Variants in TMEM70 observed in about 807,000 individuals in gnomAD.
TMEM70 encodes the protein transmembrane protein 70, also known as transmembrane protein 70, mitochondrial.
TMEM70 carries 15 observed loss-of-function variants against 20.5 expected under a neutral mutation model. The ratio of observed to expected loss-of-function variants is 0.73; its 90% confidence interval spans 0.49 to 1.13. The LOEUF (loss-of-function observed/expected upper bound fraction) is 1.13. Ranked by LOEUF, TMEM70 falls within the 50% of genes most tolerant of loss-of-function variation. The pLI is 0.00. For synonymous variants in TMEM70, 141 were observed against 134.2 expected (o/e 1.05, Z -0.35); for missense variants, 344 against 331.7 (o/e 1.04, Z -0.29).
At chr8:73,978,951 A>G (rs999747841) in intron 2 of TMEM70, 90 bp downstream of exon 2, 2 of 1,485,326 alleles carry the variant, frequency 1.3e-6, no homozygotes, top group Non-Finnish European at 1.9e-6. Context: ...TTGTTATGGC[A>G]TCCCTTAATT....
At position 73,976,375 on chromosome 8, in the gene TMEM70, C is replaced by CCCCGGGCCTCTGTCT. The variant is rs1168447827; in HGVS notation, c.102_116dup (p.Val36_Ser40dup). 9 of 1,596,724 alleles carry CCCCGGGCCTCTGTCT rather than the reference C, an allele frequency of 5.6e-6. No individual in the cohort carries two copies. Among genetic ancestry groups the CCCCGGGCCTCTGTCT allele is most frequent in the South Asian group, 1.1e-5 (1 of 90,332 alleles). On this transcript the variant is annotated inframe_insertion, in exon 1 of 3. Coordinates refer to ENST00000312184, the MANE Select transcript of TMEM70 (RefSeq NM_017866.6). ...GTGTGCGGCCGCCGCGCTCCGAGGTCCCCGGGCCTCTGTCTCCCGGGCGTC... is the reference window on the plus strand; with the variant it reads ...GTGTGCGGCCGCCGCGCTCCGAGGTCCCCGGGCCTCTGTCTCCCGGGCCTCTGTCTCCCGGGCGTC...
At chr8:73,978,136 G>C (rs899712415) in intron 1 of TMEM70, among the ~76,000 whole-genome samples, 3 of 151,952 alleles carry the variant, frequency 2.0e-5, no homozygotes, top group Non-Finnish European at 4.4e-5. Flanking sequence ...GCCCAGGTTG[G>C]AGTACAGTGG....
Position 73,982,159 on chromosome 8 carries a change from A to T in TMEM70, c.*538A>T, listed in dbSNP as rs778356518. ...AAACATACCAGAAAAACACCCGTGG[A>T]GTCAGAGGTGGCAATTCACCGAATT... On this transcript the variant is annotated 3_prime_UTR_variant, in exon 3 of 3. Coordinates refer to ENST00000312184, the MANE Select transcript of TMEM70 (RefSeq NM_017866.6). 3.7e-6 allele frequency: 2 copies of T among 536,094 alleles called. No individual in the cohort carries two copies. Among genetic ancestry groups the T allele is most frequent in the East Asian group, 1.0e-4 (2 of 19,910 alleles). The allele number at this position is 536,094 out of a possible 1,614,324, so 33.2% of individuals were successfully genotyped here. A position where few individuals can be genotyped will look rare whatever the true frequency, so the allele number is the denominator to read the frequency against.
chr8:73,979,644 T>C (rs1350938105), intron 2 of TMEM70, among the ~76,000 whole-genome samples: 1 of 152,198 alleles, frequency 6.6e-6, no homozygotes, highest in Non-Finnish European at 1.5e-5. Context: ...AGGGTCTCTG[T>C]CATCTAGGCT....
At chr8:73,979,840 G>T (rs567132883) in intron 2 of TMEM70, among the ~76,000 whole-genome samples, 1 of 151,974 alleles carries the variant, frequency 6.6e-6, no homozygotes, top group Non-Finnish European at 1.5e-5. Flanking sequence ...AGTGATGCCA[G>T]TGTTAAGTTC....
chr8:73,980,223 G>C (rs1490484718), intron 2 of TMEM70, among the ~76,000 whole-genome samples: 1 of 152,094 alleles, frequency 6.6e-6, no homozygotes, highest in African/African-American at 2.4e-5. Context: ...CCAGTAGCTG[G>C]GATTATAGGT....
chr8:73,977,972 A>G (rs1267779386), intron 1 of TMEM70, among the ~76,000 whole-genome samples: 2 of 152,254 alleles, frequency 1.3e-5, no homozygotes, highest in Non-Finnish European at 2.9e-5. Context: ...GCAGTTTTCT[A>G]CTTGTGACTA....
chr8:73,978,208 TC>T (rs1815700148), intron 1 of TMEM70, among the ~76,000 whole-genome samples: 1 of 151,852 alleles, frequency 6.6e-6, no homozygotes, highest in Admixed American at 6.6e-5. Context: ...TGCCTCAGCC[TC>T]CGGAGTAGCT....
At chr8:73,976,576 C>T (rs1439685568) in intron 1 of TMEM70, 85 bp downstream of exon 1, 2 of 1,309,694 alleles carry the variant, frequency 1.5e-6, no homozygotes, top group Non-Finnish European at 2.0e-6. Context: ...CGGCTCTTCG[C>T]GACCTCTCCC....
At chr8:73,978,246 C>T (rs1241825010) in intron 1 of TMEM70, among the ~76,000 whole-genome samples, 4 of 151,666 alleles carry the variant, frequency 2.6e-5, no homozygotes, top group Non-Finnish European at 5.9e-5. Flanking sequence ...ACACCATGCC[C>T]GGCTAATTGT....
Position 73,982,380 on chromosome 8 carries a change from T to A in TMEM70, c.*759T>A, listed in dbSNP as rs1488363313. ...TTCCAGATGAGAATCCACAAGCGAC[T>A]CATTGACTTGCGCAGTCCTCAGATA... On this transcript the variant is annotated 3_prime_UTR_variant, in exon 3 of 3. Coordinates refer to ENST00000312184, the MANE Select transcript of TMEM70 (RefSeq NM_017866.6). The A allele has an allele frequency of 1.4e-6, 1 of 738,898 alleles. No individual in the cohort carries two copies. The allele number at this position is 738,898 out of a possible 1,614,324, so 45.8% of individuals were successfully genotyped here. A position where few individuals can be genotyped will look rare whatever the true frequency, so the allele number is the denominator to read the frequency against.
chr8:73,981,702 T>C lies in TMEM70; in HGVS notation c.*81T>C, dbSNP rs1461553785. 2.2e-6 allele frequency: 2 copies of C among 903,614 alleles called. No homozygotes were observed. Among genetic ancestry groups the C allele is most frequent in the East Asian group, 5.1e-5 (2 of 39,066 alleles). 56.0% of individuals were successfully genotyped at this position (903,614 alleles called of 1,614,324 possible). On this transcript the variant is annotated 3_prime_UTR_variant, in exon 3 of 3. Coordinates refer to ENST00000312184, the MANE Select transcript of TMEM70 (RefSeq NM_017866.6). Reference sequence around the variant, plus strand: ...AAAATTGCCTTTTGCATTCCGTTAGTGACTGATTGTTAAAAATAATTTGAA... The same window carrying C: ...AAAATTGCCTTTTGCATTCCGTTAGCGACTGATTGTTAAAAATAATTTGAA...
At chr8:73,978,279 G>A (rs1406098898) in intron 1 of TMEM70, among the ~76,000 whole-genome samples, 7 of 151,542 alleles carry the variant, frequency 4.6e-5, no homozygotes, top group African/African-American at 1.5e-4. Flanking sequence ...TAGAGACGGG[G>A]TTTCACCATG....
In TMEM70 at chr8:73,982,514, A is replaced by T. The variant is rs755076889; in HGVS notation, c.*893A>T. 8.2e-6 allele frequency: 5 copies of T among 607,088 alleles called. No individual in the cohort carries two copies. The highest frequency in any genetic ancestry group is 5.7e-5 in the Admixed American group (3 of 52,506). The allele number at this position is 607,088 out of a possible 1,614,324, so 37.6% of individuals were successfully genotyped here. A position where few individuals can be genotyped will look rare whatever the true frequency, so the allele number is the denominator to read the frequency against. On this transcript the variant is annotated 3_prime_UTR_variant, in exon 3 of 3. Coordinates refer to ENST00000312184, the MANE Select transcript of TMEM70 (RefSeq NM_017866.6). ...TAAATTGATTACCAGTTGTTAAAAA[A>T]TTTTCAAAAAACCGCAAAATTTCAA... is the stretch of plus-strand genomic sequence containing the variant.
chr8:73,982,502 A>G lies in TMEM70; in HGVS notation c.*881A>G, dbSNP rs758619378. 1.6e-6 allele frequency: 1 copy of G among 644,542 alleles called. No homozygotes were observed. The highest frequency in any genetic ancestry group is 4.6e-4 in the Middle Eastern group (1 of 2,170). 39.9% of individuals were successfully genotyped at this position (644,542 alleles called of 1,614,324 possible). On this transcript the variant is annotated 3_prime_UTR_variant, in exon 3 of 3. Coordinates refer to ENST00000312184, the MANE Select transcript of TMEM70 (RefSeq NM_017866.6). ...CAACTGTTTTCATAAATTGATTACC[A>G]GTTGTTAAAAAATTTTCAAAAAACC...
rs773814684 is a variant in TMEM70 at position 73,978,705 on chromosome 8, T to C, written c.211-51T>C. Reference sequence around the variant, plus strand: ...AAGACTCTGTCTCAAAAAAAAAAACTTAAAAAAATTTAAGAAGGTTAGTTG... The same window carrying C: ...AAGACTCTGTCTCAAAAAAAAAAACCTAAAAAAATTTAAGAAGGTTAGTTG... On this transcript the variant is annotated intron_variant, in intron 1 of 2. Transcript: ENST00000312184. The C allele has an allele frequency of 1.8e-5, 29 of 1,594,442 alleles. No homozygotes were observed. In the South Asian group the frequency reaches 3.0e-4, roughly 17 times the overall value.
Position 73,978,745 on chromosome 8 carries a change from T to C in TMEM70, c.211-11T>C, listed in dbSNP as rs111260030. The C allele has an allele frequency of 3.5e-5, 56 of 1,613,558 alleles. 3 individuals are homozygous for C. In the African/African-American group the frequency reaches 5.1e-4, roughly 15 times the overall value. On this transcript the variant is annotated splice_polypyrimidine_tract_variant and intron_variant, in intron 1 of 2. Coordinates refer to ENST00000312184, the MANE Select transcript of TMEM70 (RefSeq NM_017866.6). ...AAGGTTAGTTGACCATAATGATCCC[T>C]GTTTCAATAGATCCCTGTTTATTGG...
rs8075 is a variant in TMEM70, at chr8:73,976,381, G to C, written c.100G>C (p.Ala34Pro). 216,947 of 1,594,906 alleles carry C rather than the reference G, an allele frequency of 0.14. 16,318 individuals are homozygous for C. Among genetic ancestry groups the C allele is most frequent in the African/African-American group, 0.27 (20,089 of 74,874 alleles). ...CAAAALRGPR[A>P]SVSRASSSSG... Reference sequence around the variant, plus strand: ...GGCCGCCGCGCTCCGAGGTCCCCGGGCCTCTGTCTCCCGGGCGTCCTCCAG... The same window carrying C: ...GGCCGCCGCGCTCCGAGGTCCCCGGCCCTCTGTCTCCCGGGCGTCCTCCAG... The change falls in exon 1 of 3, where the codon GCC becomes CCC. Residue 34 changes from alanine (A) to proline (P), a missense_variant. Coordinates refer to ENST00000312184, the MANE Select transcript of TMEM70 (RefSeq NM_017866.6).
intron 2 of TMEM70, among the ~76,000 whole-genome samples, chr8:73,980,751 C>T (rs1457410227): frequency 6.6e-6 from 1 of 152,096 alleles, no homozygotes; most frequent in African/African-American, 2.4e-5. Flanking sequence ...ATAGAATTTC[C>T]CATGTTTGAA....
Sources: gnomAD v4.1 joint callset for allele counts (sites outside exome capture counted in the v4.1 genomes callset) on GRCh38, gnomAD v4.1.1 for gene constraint, MANE v1.5 for transcripts, NCBI Gene and HGNC (gene_info 2026-07-23, HGNC 2026-07-21) for gene names.